CNTN6: variants seen among roughly 807,000 people sequenced by gnomAD.
CNTN6 encodes the protein contactin-6.
Under a neutral mutation model 122.8 loss-of-function variants are expected in CNTN6, and 137 were observed. The ratio of observed to expected loss-of-function variants is 1.12; its 90% CI spans 0.97 to 1.29. The LOEUF is 1.29. Ranked by LOEUF, CNTN6 falls within the 50% of genes most tolerant of loss-of-function variation. The pLI, the probability that CNTN6 is intolerant of heterozygous loss-of-function variation, is 0.00. For synonymous variants in CNTN6, 570 were observed against 426.0 expected, an observed-to-expected ratio of 1.34 and a Z score of -4.16; for missense variants, 1,634 against 1,223.4, an observed-to-expected ratio of 1.34 and a Z score of -5.01.
Position 1,297,988 on chromosome 3 carries a change from G to A in CNTN6, c.758G>A (p.Gly253Glu). 6.4e-7 allele frequency: 1 copy of A among 1,573,168 alleles called. No homozygotes were observed. Among genetic ancestry groups the A allele is most frequent in the Non-Finnish European group, 8.5e-7 (1 of 1,169,652 alleles). The stretch of plus-strand genomic sequence containing the variant: ...GTAAAACTGGAATGTTTTGCCCTTG[G>A]AAAGTAAGGTTTTTGTTTTTGTTTT... The part of the protein sequence containing the change: ...SSVKLECFAL[G>E]NPVPDISWRR... The change falls in exon 7 of 23, where the codon GGA (glycine) becomes GAA (glutamate). Residue 253 changes from glycine to glutamate, a missense_variant. Transcript: ENST00000446702.
At chr3:1,245,302 A>ATAT (rs1559597495) in intron 4 of CNTN6, among the ~76,000 whole-genome samples, 1 of 6,192 alleles carries the variant, frequency 1.6e-4, no homozygotes, top group African/African-American at 5.9e-4. Flanking sequence ...TAACATATAT[A>ATAT]TATATATATA....
At chr3:1,395,385 C>T (rs1024749245) in intron 20 of CNTN6, among the ~76,000 whole-genome samples, 1 of 152,172 alleles carries the variant, frequency 6.6e-6, no homozygotes, top group Admixed American at 6.5e-5. Context: ...GCTTTGGAAG[C>T]TCCAAAGGAT....
chr3:1,348,593 C>T (rs1389050953), intron 11 of CNTN6, among the ~76,000 whole-genome samples: 2 of 152,006 alleles, frequency 1.3e-5, no homozygotes, highest in African/African-American at 2.4e-5. Context: ...TACATATATA[C>T]ACACATATGT....
At chr3:1,268,863 C>T (rs2094974223) in intron 4 of CNTN6, among the ~76,000 whole-genome samples, 2 of 151,920 alleles carry the variant, frequency 1.3e-5, no homozygotes, top group African/African-American at 4.8e-5. Flanking sequence ...CACCTGTAAT[C>T]CTAGCTACTC....
chr3:1,116,073 T>G (rs1272032434), intron 1 of CNTN6, among the ~76,000 whole-genome samples: 1 of 152,164 alleles, frequency 6.6e-6, no homozygotes, highest in Non-Finnish European at 1.5e-5. Context: ...CTTTTTGTAT[T>G]CCAAAATTAT....
intron 4 of CNTN6, among the ~76,000 whole-genome samples, chr3:1,275,863 C>G (rs1377931787): frequency 6.6e-6 from 1 of 152,130 alleles, no homozygotes. Context: ...TAAAATGAAG[C>G]TTTGTTCGCT....
In CNTN6 at chr3:1,352,358, TATA is replaced by T. The variant is rs1705778186; in HGVS notation, c.1403_1405del (p.Asn468del). 2 of 1,570,434 alleles carry T rather than the reference TATA, an allele frequency of 1.3e-6. No individual in the cohort carries two copies. Among genetic ancestry groups the T allele is most frequent in the Non-Finnish European group, 1.7e-6 (2 of 1,153,622 alleles). Reference sequence around the variant, plus strand: ...CTTGGAGGATGGCAGCCTCAAGATATATAATATTACCAGGTCAGATGCTGGATC... The same window carrying T: ...CTTGGAGGATGGCAGCCTCAAGATATATATTACCAGGTCAGATGCTGGATC... On this transcript the variant is annotated inframe_deletion, in exon 12 of 23. Coordinates refer to ENST00000446702, the MANE Select transcript of CNTN6 (RefSeq NM_001289080.2).
At chr3:1,166,016 T>C (rs1037769917) in intron 2 of CNTN6, among the ~76,000 whole-genome samples, 11 of 152,320 alleles carry the variant, frequency 7.2e-5, no homozygotes, top group African/African-American at 2.2e-4. Flanking sequence ...CTTGAATTCC[T>C]ACATCTCTGA....
chr3:1,259,391 C>G (rs1024393619), intron 4 of CNTN6, among the ~76,000 whole-genome samples: 2 of 152,004 alleles, frequency 1.3e-5, no homozygotes, highest in African/African-American at 4.8e-5. Context: ...CTGTGAAAAT[C>G]CATTTTGTTA....
At chr3:1,299,942 C>T (rs112826596) in intron 7 of CNTN6, among the ~76,000 whole-genome samples, 2 of 151,988 alleles carry the variant, frequency 1.3e-5, no homozygotes, top group South Asian at 2.1e-4. Context: ...GTAATAAATG[C>T]TCACTGAATT....
chr3:1,252,128 T>C (rs1192939086), intron 4 of CNTN6, among the ~76,000 whole-genome samples: 2 of 152,236 alleles, frequency 1.3e-5, no homozygotes, highest in African/African-American at 4.8e-5. Context: ...TTTGGCCTTT[T>C]ATTTTTATCT....
intron 2 of CNTN6, among the ~76,000 whole-genome samples, chr3:1,167,571 T>G (rs1284239317): frequency 6.9e-6 from 1 of 144,352 alleles, no homozygotes; most frequent in Admixed American, 7.0e-5. Context: ...ACTTTTACAC[T>G]CTTTTAATCT....
chr3:1,310,673 G>T (rs1360441608), intron 7 of CNTN6, among the ~76,000 whole-genome samples: 2 of 152,130 alleles, frequency 1.3e-5, no homozygotes, highest in Non-Finnish European at 2.9e-5. Flanking sequence ...TTCTAGAAGA[G>T]ATTATGTACA....
intron 1 of CNTN6, among the ~76,000 whole-genome samples, chr3:1,105,245 A>G (rs1197749035): frequency 6.6e-6 from 1 of 152,220 alleles, no homozygotes; most frequent in Non-Finnish European, 1.5e-5. Flanking sequence ...GTATTTCAGT[A>G]TTGCTCTATA....
chr3:1,392,137 ACTAC>A (rs1424272144), intron 20 of CNTN6, among the ~76,000 whole-genome samples: 8 of 152,246 alleles, frequency 5.3e-5, no homozygotes, highest in African/African-American at 1.9e-4. Context: ...GAGGCATCAC[ACTAC>A]CTGACTTCAA....
At chr3:1,292,531 A>G (rs1174610453) in intron 5 of CNTN6, among the ~76,000 whole-genome samples, 1 of 152,192 alleles carries the variant, frequency 6.6e-6, no homozygotes, top group African/African-American at 2.4e-5. Context: ...CTAAATTGCT[A>G]AGAATTGAGT....
intron 1 of CNTN6, among the ~76,000 whole-genome samples, chr3:1,102,420 C>A (rs182268293): frequency 1.0e-3 from 156 of 152,310 alleles, no homozygotes; most frequent in South Asian, 7.7e-3. Context: ...TTTCTATCAA[C>A]AGAGTTAAGA....
chr3:1,107,037 T>A (rs371595851), intron 1 of CNTN6, among the ~76,000 whole-genome samples: 1 of 152,132 alleles, frequency 6.6e-6, no homozygotes, highest in Non-Finnish European at 1.5e-5. Context: ...AGGGTCTCAA[T>A]GGATTACATG....
intron 1 of CNTN6, among the ~76,000 whole-genome samples, chr3:1,144,797 A>G (rs2092689947): frequency 6.6e-6 from 1 of 152,124 alleles, no homozygotes; most frequent in Non-Finnish European, 1.5e-5. Context: ...ACTCAGATAC[A>G]GAAAAAGCAG....
Sources: gnomAD v4.1 joint callset for allele counts (sites outside exome capture counted in the v4.1 genomes callset) on GRCh38, gnomAD v4.1.1 for gene constraint, MANE v1.5 for transcripts, NCBI Gene and HGNC (gene_info 2026-07-23, HGNC 2026-07-21) for gene names.